Variants in SP4 observed in about 807,000 individuals in gnomAD.
SP4 encodes transcription factor Sp4.
In SP4, 19 loss-of-function variants were observed where a neutral mutation model predicts 72.8. The ratio of observed to expected loss-of-function variants is 0.26; its 90% CI spans 0.18 to 0.38. The LOEUF is 0.38. Ranked by LOEUF, SP4 falls within the 10% of genes least tolerant of loss-of-function variation. SP4 has a pLI of 1.00. For synonymous variants in SP4, 395 were observed against 333.1 expected (o/e 1.19, Z -2.02); for missense variants, 1,008 against 926.3 (o/e 1.09, Z -1.14).
chr7:21,479,573 C>A (rs1784617221), intron 4 of SP4, among the ~76,000 whole-genome samples: 1 of 152,152 alleles, frequency 6.6e-6, no homozygotes, highest in South Asian at 2.1e-4. Context: ...GTGAGTCCTG[C>A]AGCTTTGTTA....
At chr7:21,438,021 A>T (rs6461562) in intron 3 of SP4, among the ~76,000 whole-genome samples, 1 of 149,516 alleles carries the variant, frequency 6.7e-6, no homozygotes. Flanking sequence ...TTTTTTTTCT[A>T]ACGTAGTTCT....
At chr7:21,438,226 C>CT (rs1330002794) in intron 3 of SP4, among the ~76,000 whole-genome samples, 2 of 152,100 alleles carry the variant, frequency 1.3e-5, no homozygotes, top group African/African-American at 4.8e-5. Context: ...ACTATAAACT[C>CT]TGAGTCTTCT....
At chr7:21,485,806 T>G (rs1784798702) in intron 5 of SP4, among the ~76,000 whole-genome samples, 1 of 152,072 alleles carries the variant, frequency 6.6e-6, no homozygotes, top group South Asian at 2.1e-4. Context: ...AGTCACATTT[T>G]CCTTTTTTCT....
chr7:21,473,104 G>A (rs2282896), intron 3 of SP4, among the ~76,000 whole-genome samples: 14,356 of 152,194 alleles, frequency 0.094, 1,749 homozygotes, highest in East Asian at 0.54. Flanking sequence ...TTTTCTGGCA[G>A]CAGTGTGAAG....
chr7:21,441,274 G>A (rs1355686768), intron 3 of SP4, among the ~76,000 whole-genome samples: 1 of 152,172 alleles, frequency 6.6e-6, no homozygotes, highest in Non-Finnish European at 1.5e-5. Flanking sequence ...GCTAAACTTG[G>A]AATGAGCTTG....
intron 5 of SP4, among the ~76,000 whole-genome samples, chr7:21,501,604 G>A (rs549106136): frequency 1.3e-5 from 2 of 152,320 alleles, no homozygotes; most frequent in South Asian, 4.1e-4. Context: ...TATGAGAGAT[G>A]TAAGGATTGA....
intron 5 of SP4, among the ~76,000 whole-genome samples, chr7:21,500,278 A>G (rs984250926): frequency 5.3e-5 from 8 of 152,214 alleles, no homozygotes; most frequent in Admixed American, 4.6e-4. Context: ...CTTGAGCCAT[A>G]TATTAGGTCA....
intron 5 of SP4, among the ~76,000 whole-genome samples, chr7:21,506,977 A>G (rs1261110569): frequency 6.6e-6 from 1 of 152,080 alleles, no homozygotes; most frequent in African/African-American, 2.4e-5. Context: ...TAACATTTGG[A>G]AATTTTTGTT....
chr7:21,489,137 A>G (rs535385606), intron 5 of SP4, among the ~76,000 whole-genome samples: 3 of 152,212 alleles, frequency 2.0e-5, no homozygotes, highest in Admixed American at 6.5e-5. Flanking sequence ...TTTAGCCAAG[A>G]TACAATTTTA....
At chr7:21,454,461 A>T (rs1783699898) in intron 3 of SP4, among the ~76,000 whole-genome samples, 1 of 151,938 alleles carries the variant, frequency 6.6e-6, no homozygotes, top group African/African-American at 2.4e-5. Context: ...TTAGGACAAT[A>T]GTTTACCATA....
At chr7:21,476,757 T>A (rs1784512515) in intron 3 of SP4, among the ~76,000 whole-genome samples, 2 of 152,222 alleles carry the variant, frequency 1.3e-5, no homozygotes, top group South Asian at 4.1e-4. Flanking sequence ...GACTATCTCA[T>A]GTATCCTCAT....
At chr7:21,504,092 A>G (rs541122885) in intron 5 of SP4, among the ~76,000 whole-genome samples, 4 of 152,052 alleles carry the variant, frequency 2.6e-5, no homozygotes, top group East Asian at 1.9e-4. Context: ...AGCAGGCTAC[A>G]TAGTCTAATT....
intron 3 of SP4, among the ~76,000 whole-genome samples, chr7:21,451,807 A>G (rs1052479532): frequency 1.3e-5 from 2 of 152,220 alleles, no homozygotes; most frequent in African/African-American, 4.8e-5. Context: ...GCCAAAAACG[A>G]CAAGTAGAGA....
intron 5 of SP4, among the ~76,000 whole-genome samples, chr7:21,497,244 G>C (rs948528405): frequency 6.6e-6 from 1 of 152,196 alleles, no homozygotes; most frequent in Non-Finnish European, 1.5e-5. Context: ...TGATTATTTG[G>C]GAATTAGGCT....
intron 5 of SP4, among the ~76,000 whole-genome samples, chr7:21,492,910 T>C (rs1359441737): frequency 1.3e-5 from 2 of 152,070 alleles, no homozygotes; most frequent in Non-Finnish European, 2.9e-5. Flanking sequence ...AAATTTGAAA[T>C]AAGAATCAGA....
rs1215918623 is a variant in SP4, at chr7:21,512,891, C to G, written c.*1622C>G. The G allele has an allele frequency of 2.6e-5, 4 of 152,228 alleles. No individual in the cohort carries two copies. Among genetic ancestry groups the G allele is most frequent in the African/African-American group, 9.7e-5 (4 of 41,296 alleles). 9.4% of individuals were successfully genotyped at this position (152,228 alleles called of 1,614,324 possible). ...AAAGGGTCTTACTAGGAAAGATGGCCAAAAGTTTCATATGAAAAAAATTGG... is the reference window on the plus strand; with the variant it reads ...AAAGGGTCTTACTAGGAAAGATGGCGAAAAGTTTCATATGAAAAAAATTGG... On this transcript the variant is annotated 3_prime_UTR_variant, in exon 6 of 6. Transcript: ENST00000222584.
intron 5 of SP4, among the ~76,000 whole-genome samples, chr7:21,488,038 A>G (rs1389105317): frequency 3.3e-5 from 5 of 151,308 alleles, no homozygotes; most frequent in African/African-American, 1.2e-4. Context: ...TAATTTTTCT[A>G]TTTTTTGCAG....
intron 2 of SP4, 114 bp from the exon 3 acceptor site, chr7:21,429,174 TA>T: frequency 1.6e-6 from 1 of 616,162 alleles, no homozygotes. Context: ...TGCTGCTTCC[TA>T]AATTGTTATG....
intron 3 of SP4, among the ~76,000 whole-genome samples, chr7:21,476,273 CAAAAA>C (rs753166936): frequency 2.2e-4 from 11 of 49,654 alleles, no homozygotes; most frequent in Non-Finnish European, 3.3e-4. Flanking sequence ...GACTCCATCT[CAAAAA>C]AAAAAAAAAA....
Sources: gnomAD v4.1 joint callset for allele counts (sites outside exome capture counted in the v4.1 genomes callset) on GRCh38, gnomAD v4.1.1 for gene constraint, MANE v1.5 for transcripts, NCBI Gene and HGNC (gene_info 2026-07-23, HGNC 2026-07-21) for gene names.